The following CALN1 variants were observed in gnomAD, a reference collection of about 807,000 sequenced individuals.
CALN1 encodes the protein calneuron 1, also known as calcium-binding protein 8.
Under a neutral mutation model 30.6 loss-of-function variants are expected in CALN1, and 17 were observed. The observed-to-expected ratio is 0.56, with a 90% CI of 0.38 to 0.83. The LOEUF (loss-of-function observed/expected upper bound fraction) is 0.83, where lower values mean the gene tolerates loss of function less well. Among genes scored for constraint, CALN1 ranks in the 40% least tolerant of loss-of-function variants. The pLI, the probability that CALN1 is intolerant of heterozygous loss-of-function variation, is 0.00. For synonymous variants in CALN1, 156 were observed against 131.4 expected (o/e 1.19, Z -1.28); for missense variants, 291 against 354.9 (o/e 0.82, Z 1.45).
At chr7:71,870,537 A>G (rs2867521) in intron 5 of CALN1, among the ~76,000 whole-genome samples, 7,705 of 152,332 alleles carry the variant, frequency 0.051, 664 homozygotes, top group African/African-American at 0.18. Context: ...AAAAAGAAAG[A>G]TAATATATTA....
the CALN1 span, among the ~76,000 whole-genome samples, chr7:72,458,789 CATT>C: frequency 8.3e-6 from 1 of 119,776 alleles, no homozygotes; most frequent in African/African-American, 3.2e-5. Context: ...TTTTATATAA[CATT>C]ATATAATACA....
chr7:72,143,770 T>G (rs199802969), intron 3 of CALN1, among the ~76,000 whole-genome samples: 1 of 152,126 alleles, frequency 6.6e-6, no homozygotes, highest in Non-Finnish European at 1.5e-5. Context: ...GACTAACAGC[T>G]GATCTCTCGG....
At chr7:72,203,318 A>G (rs1791573682) in intron 3 of CALN1, among the ~76,000 whole-genome samples, 3 of 152,184 alleles carry the variant, frequency 2.0e-5, no homozygotes, top group Admixed American at 2.0e-4. Context: ...AAACCTGCAC[A>G]TTCTGCACAT....
At chr7:72,469,638 A>C in the CALN1 span, among the ~76,000 whole-genome samples, 2 of 152,144 alleles carry the variant, frequency 1.3e-5, no homozygotes, top group Non-Finnish European at 2.9e-5. Context: ...ACCTCAAATG[A>C]TCCACCCACG....
chr7:71,789,238 G>C (rs1793172790), intron 6 of CALN1, among the ~76,000 whole-genome samples: 1 of 151,834 alleles, frequency 6.6e-6, no homozygotes, highest in African/African-American at 2.4e-5. Context: ...CCGACATGGT[G>C]AAACCCCATC....
intron 3 of CALN1, among the ~76,000 whole-genome samples, chr7:72,143,176 C>T (rs891860909): frequency 6.6e-6 from 1 of 152,018 alleles, no homozygotes; most frequent in African/African-American, 2.4e-5. Flanking sequence ...CAAACTTCTC[C>T]GAGCTAAAGG....
intron 2 of CALN1, among the ~76,000 whole-genome samples, chr7:72,316,287 G>A (rs1161947161): frequency 6.6e-6 from 1 of 151,984 alleles, no homozygotes; most frequent in African/African-American, 2.4e-5. Flanking sequence ...AAATGTTGAA[G>A]TGGGAGAATA....
At chr7:72,262,743 G>T (rs1218375330) in intron 3 of CALN1, among the ~76,000 whole-genome samples, 2 of 152,138 alleles carry the variant, frequency 1.3e-5, no homozygotes, top group Non-Finnish European at 2.9e-5. Flanking sequence ...TCTTTAAGAG[G>T]ATCCTGGTTC....
chr7:72,028,313 A>T (rs1378371120), intron 4 of CALN1, among the ~76,000 whole-genome samples: 1 of 152,144 alleles, frequency 6.6e-6, no homozygotes, highest in Non-Finnish European at 1.5e-5. Flanking sequence ...GGAGCGCAGC[A>T]GTTTGGAACT....
chr7:71,829,304 G>A (rs568185692), intron 5 of CALN1, among the ~76,000 whole-genome samples: 2 of 152,178 alleles, frequency 1.3e-5, no homozygotes, highest in African/African-American at 2.4e-5. Context: ...TGGGGCAAGC[G>A]GCCACCCACC....
intron 3 of CALN1, among the ~76,000 whole-genome samples, chr7:72,192,863 G>A (rs1033854360): frequency 7.3e-6 from 1 of 136,904 alleles, no homozygotes; most frequent in Non-Finnish European, 1.5e-5. Flanking sequence ...TCCATGTTAG[G>A]GAAATCCCAT....
intron 5 of CALN1, among the ~76,000 whole-genome samples, chr7:72,010,075 T>A (rs1341590898): frequency 6.6e-6 from 1 of 152,150 alleles, no homozygotes; most frequent in Non-Finnish European, 1.5e-5. Flanking sequence ...GTAGACAAAG[T>A]CATTGCAGGG....
rs543410724 is a variant in CALN1, at chr7:71,927,864, A to G, written c.501+95793T>C. Among the ~76,000 whole-genome samples, 84 of 152,208 alleles carry G rather than the reference A, an allele frequency of 5.5e-4. No homozygotes were observed. In the South Asian group the frequency reaches 9.4e-3, roughly 17 times the overall value. On this transcript the variant is annotated intron_variant, in intron 5 of 6. Coordinates refer to ENST00000395275, the MANE Select transcript of CALN1 (RefSeq NM_031468.4). ...TCTTGAATCTTTGGTGGCCCTTGTG[A>G]ACGGGAGAGTTTCTTGCTCTTCCCC...
chr7:71,801,760 T>TGA (rs952388901), intron 6 of CALN1, among the ~76,000 whole-genome samples: 1 of 152,008 alleles, frequency 6.6e-6, no homozygotes, highest in African/African-American at 2.4e-5. Context: ...GTGGATCACC[T>TGA]GAGGTCAGGA....
intron 3 of CALN1, among the ~76,000 whole-genome samples, chr7:72,271,575 A>AAAATATATATAT: frequency 0.072 from 3,753 of 52,014 alleles, 382 homozygotes; most frequent in East Asian, 0.37. Flanking sequence ...AAAAAAAAAA[A>AAAATATATATAT]ATATATATAT....
chr7:72,431,593 C>A (rs1807980676), intron 1 of CALN1, among the ~76,000 whole-genome samples: 1 of 152,164 alleles, frequency 6.6e-6, no homozygotes, highest in African/African-American at 2.4e-5. Context: ...AACCCCAGCA[C>A]TTTGGGGGGC....
rs188658601 is a variant in CALN1, at chr7:72,429,752, T to C, written c.-226+17290A>G. On this transcript the variant is annotated intron_variant, in intron 1 of 6. Coordinates refer to the CALN1 transcript ENST00000395276. ...ATATATGTCTGTGTATATATATATA[T>C]ACACATCTGTATATATATATGTATA... 2.0e-3 allele frequency among the ~76,000 whole-genome samples: 261 copies of C among 129,562 alleles called. 1 individual carries two copies. The highest frequency in any genetic ancestry group is 5.2e-3 in the Admixed American group (65 of 12,402). 85.0% of individuals were successfully genotyped at this position (129,562 alleles called of 152,430 possible).
chr7:72,269,534 G>A (rs962350808), intron 3 of CALN1, among the ~76,000 whole-genome samples: 2 of 152,146 alleles, frequency 1.3e-5, no homozygotes, highest in African/African-American at 4.8e-5. Flanking sequence ...TATAACTGAA[G>A]CAGCAGATAG....
At chr7:72,201,838 T>C (rs1302584397) in intron 3 of CALN1, among the ~76,000 whole-genome samples, 1 of 151,636 alleles carries the variant, frequency 6.6e-6, no homozygotes, top group Admixed American at 6.6e-5. Flanking sequence ...CCTCTAGCCT[T>C]AGAAGTGGAA....
Sources: allele counts gnomAD v4.1 joint callset (sites outside exome capture counted in the v4.1 genomes callset), GRCh38; gene constraint gnomAD v4.1.1; transcripts MANE v1.5; gene names NCBI Gene and HGNC (gene_info 2026-07-23, HGNC 2026-07-21).